The following AFF3 variants were observed in gnomAD, a reference collection of about 807,000 sequenced individuals.
AFF3 encodes the protein AF4/FMR2 family member 3.
In AFF3, 32 loss-of-function variants were observed where a neutral mutation model predicts 129.7. That is an observed-to-expected ratio of 0.25 (90% CI 0.19 to 0.33). The LOEUF (loss-of-function observed/expected upper bound fraction) is 0.33. Among genes scored for constraint, AFF3 ranks in the 10% least tolerant of loss-of-function variants. The probability of loss-of-function intolerance (pLI) is 1.00; values close to 1 mark genes in which losing one functional copy is unlikely to be tolerated. For missense variants in AFF3, 1,373 were observed against 1,592.0 expected, an observed-to-expected ratio of 0.86 and a Z score of 2.34; for synonymous variants, 644 against 635.4, an observed-to-expected ratio of 1.01 and a Z score of -0.20.
chr2:100,108,630 G>A (rs1255954409), intron 2 of AFF3, among the ~76,000 whole-genome samples: 2 of 152,144 alleles, frequency 1.3e-5, no homozygotes, highest in Non-Finnish European at 1.5e-5. Flanking sequence ...AAATGGTTTT[G>A]AACTGGCTGG....
chr2:99,889,558 C>T (rs1400484405), intron 7 of AFF3, among the ~76,000 whole-genome samples: 1 of 152,076 alleles, frequency 6.6e-6, no homozygotes, highest in East Asian at 1.9e-4. Flanking sequence ...TTATCTGGGC[C>T]CTTAAAAGCT....
At chr2:100,034,990 T>C (rs1684791426) in intron 4 of AFF3, among the ~76,000 whole-genome samples, 1 of 152,214 alleles carries the variant, frequency 6.6e-6, no homozygotes, top group South Asian at 2.1e-4. Flanking sequence ...GGGATCCTCA[T>C]GTCCCCAGAC....
At chr2:100,080,716 C>T (rs1489325647) in intron 4 of AFF3, among the ~76,000 whole-genome samples, 1 of 152,164 alleles carries the variant, frequency 6.6e-6, no homozygotes, top group African/African-American at 2.4e-5. Context: ...GTTGCCCCCA[C>T]CCCCGGCCAG....
intron 24 of AFF3, among the ~76,000 whole-genome samples, chr2:99,553,039 C>T (rs568497503): frequency 3.0e-4 from 46 of 152,254 alleles, no homozygotes; most frequent in South Asian, 8.3e-4. Flanking sequence ...CAGGTTCAAG[C>T]GATTCTCCTG....
At chr2:99,588,672 C>A (rs551695482) in intron 15 of AFF3, among the ~76,000 whole-genome samples, 1 of 152,274 alleles carries the variant, frequency 6.6e-6, no homozygotes, top group African/African-American at 2.4e-5. Flanking sequence ...ACAGCCTCTG[C>A]CACAGGGGCT....
intron 8 of AFF3, among the ~76,000 whole-genome samples, chr2:99,767,844 C>T (rs531770760): frequency 1.3e-5 from 2 of 152,294 alleles, no homozygotes; most frequent in Middle Eastern, 3.4e-3. Flanking sequence ...ACTCAGGAGG[C>T]TGAGGCAGGA....
At chr2:99,905,311 C>T (rs1198327136) in intron 7 of AFF3, among the ~76,000 whole-genome samples, 2 of 152,170 alleles carry the variant, frequency 1.3e-5, no homozygotes, top group East Asian at 3.9e-4. Flanking sequence ...TGGGGAAAGG[C>T]TTCCAACAAG....
At chr2:99,978,882 G>A (rs76990532) in intron 7 of AFF3, among the ~76,000 whole-genome samples, 1,645 of 152,282 alleles carry the variant, frequency 0.011, 19 homozygotes, top group Non-Finnish European at 0.017. Flanking sequence ...CCTCTAGAAT[G>A]AGAGAAATAA....
At chr2:99,951,402 AG>A (rs1475529833) in intron 7 of AFF3, among the ~76,000 whole-genome samples, 1 of 152,156 alleles carries the variant, frequency 6.6e-6, no homozygotes, top group Non-Finnish European at 1.5e-5. Context: ...CAATGCAAGC[AG>A]GTCTCCAACA....
At position 99,909,495 on chromosome 2, in the gene AFF3, A is replaced by G. The variant is rs139693542; in HGVS notation, c.874-71971T>C. 5.2e-3 allele frequency among the ~76,000 whole-genome samples: 783 copies of G among 151,860 alleles called. 3 individuals carry two copies. Among genetic ancestry groups the G allele is most frequent in the African/African-American group, 0.018 (739 of 41,362 alleles). On this transcript the variant is annotated intron_variant, in intron 7 of 24. Coordinates refer to ENST00000672756, the MANE Select transcript of AFF3 (RefSeq NM_001386135.1). ...GGAGAGGGATAGCATTAGGAGATATACCTAATGCTAAATGACGAGTTACTG... is the reference window on the plus strand; with the variant it reads ...GGAGAGGGATAGCATTAGGAGATATGCCTAATGCTAAATGACGAGTTACTG...
intron 4 of AFF3, among the ~76,000 whole-genome samples, chr2:100,090,379 T>C (rs1689754196): frequency 6.6e-6 from 1 of 152,244 alleles, no homozygotes; most frequent in Non-Finnish European, 1.5e-5. Context: ...CCATAAAATT[T>C]GTCAAATTAG....
chr2:99,913,798 A>G, intron 7 of AFF3, among the ~76,000 whole-genome samples: 1 of 152,194 alleles, frequency 6.6e-6, no homozygotes, highest in Non-Finnish European at 1.5e-5. Context: ...AGGGGATCCC[A>G]TTGACCAAAT....
intron 7 of AFF3, among the ~76,000 whole-genome samples, chr2:99,859,625 C>A (rs1038255297): frequency 1.3e-5 from 2 of 152,186 alleles, no homozygotes; most frequent in Non-Finnish European, 2.9e-5. Context: ...TCTATGTGTT[C>A]ATTTTCTGTC....
At chr2:99,930,263 C>T (rs1696579334) in intron 7 of AFF3, among the ~76,000 whole-genome samples, 1 of 152,156 alleles carries the variant, frequency 6.6e-6, no homozygotes, top group South Asian at 2.1e-4. Flanking sequence ...AACAGCTGGT[C>T]CCCTTCCAGG....
chr2:99,856,970 G>C (rs1690576533), intron 7 of AFF3, among the ~76,000 whole-genome samples: 1 of 152,046 alleles, frequency 6.6e-6, no homozygotes, highest in Admixed American at 6.6e-5. Flanking sequence ...ATTACTGTTA[G>C]AAATGAATGA....
At position 99,907,267 on chromosome 2, in the gene AFF3, C is replaced by A. The variant is rs560591849; in HGVS notation, c.874-69743G>T. Among the ~76,000 whole-genome samples, 190 of 152,248 alleles carry A rather than the reference C, an allele frequency of 1.2e-3. 1 individual carries two copies. The highest frequency in any genetic ancestry group is 4.3e-3 in the African/African-American group (179 of 41,554). On this transcript the variant is annotated intron_variant, in intron 7 of 24. Coordinates refer to ENST00000672756, the MANE Select transcript of AFF3 (RefSeq NM_001386135.1). ...AAAAGATGATAAAATTATGTAAAACCTGTAAGTTGCCTAACACTGTGCCAA... is the reference window on the plus strand; with the variant it reads ...AAAAGATGATAAAATTATGTAAAACATGTAAGTTGCCTAACACTGTGCCAA...
chr2:99,879,182 T>C (rs370795062), intron 7 of AFF3, among the ~76,000 whole-genome samples: 1 of 152,314 alleles, frequency 6.6e-6, no homozygotes, highest in Admixed American at 6.5e-5. Flanking sequence ...AGATACCTAT[T>C]ATTTATGCTT....
rs191122930 is a variant in AFF3, at chr2:99,563,939, C to T, written c.3119+1548G>A. Among the ~76,000 whole-genome samples, 10 of 152,004 alleles carry T rather than the reference C, an allele frequency of 6.6e-5. No individual in the cohort carries two copies. The East Asian group carries it at 1.9e-3, about 29-fold the overall frequency. ...TCTAGAAGGTGGACAGTGTTCTCTACCTGTGAAAGATTACTTCCATCAGTG... is the reference window on the plus strand; with the variant it reads ...TCTAGAAGGTGGACAGTGTTCTCTATCTGTGAAAGATTACTTCCATCAGTG... On this transcript the variant is annotated intron_variant, in intron 20 of 24. Coordinates refer to ENST00000672756, the MANE Select transcript of AFF3 (RefSeq NM_001386135.1).
chr2:100,135,385 C>T (rs1692595892), intron 1 of AFF3, among the ~76,000 whole-genome samples: 1 of 152,182 alleles, frequency 6.6e-6, no homozygotes, highest in Non-Finnish European at 1.5e-5. Flanking sequence ...ATTTTAGGAG[C>T]AACTCTTAAC....
Sources: gnomAD v4.1 joint callset for allele counts (sites outside exome capture counted in the v4.1 genomes callset) on GRCh38, gnomAD v4.1.1 for gene constraint, MANE v1.5 for transcripts, NCBI Gene and HGNC (gene_info 2026-07-23, HGNC 2026-07-21) for gene names.